TMEM131L: variants seen among roughly 807,000 people sequenced by gnomAD.
TMEM131L encodes transmembrane protein 131-like.
In TMEM131L, 54 loss-of-function variants were observed where a neutral mutation model predicts 192.2. The ratio of observed to expected loss-of-function variants is 0.28; its 90% CI spans 0.23 to 0.35. TMEM131L has a LOEUF of 0.35. Among genes scored for constraint, TMEM131L ranks in the 10% least tolerant of loss-of-function variants. The pLI, the probability that TMEM131L is intolerant of heterozygous loss-of-function variation, is 1.00. For synonymous variants in TMEM131L, 701 were observed against 704.9 expected (o/e 0.99, Z 0.09); for missense variants, 1,888 against 1,972.9 (o/e 0.96, Z 0.82).
chr4:153,615,462 G>A (rs1342578754), intron 26 of TMEM131L, among the ~76,000 whole-genome samples: 4 of 152,182 alleles, frequency 2.6e-5, no homozygotes, highest in African/African-American at 9.6e-5. Flanking sequence ...GAGAAAAGGC[G>A]AGGGCCTTGA....
chr4:153,543,462 G>A (rs559689688), intron 3 of TMEM131L, among the ~76,000 whole-genome samples: 2 of 152,316 alleles, frequency 1.3e-5, no homozygotes, highest in Admixed American at 1.3e-4. Context: ...TAGGCCATTT[G>A]TTTTTCAAGG....
intron 1 of TMEM131L, 106 bp downstream of exon 1, chr4:153,466,627 G>A: frequency 9.2e-7 from 1 of 1,088,042 alleles, no homozygotes; most frequent in Non-Finnish European, 1.2e-6. Context: ...GAAAGGGAAA[G>A]GGGCAGGAGG....
chr4:153,557,355 C>T (rs1361809424), intron 6 of TMEM131L, among the ~76,000 whole-genome samples: 1 of 152,154 alleles, frequency 6.6e-6, no homozygotes, highest in African/African-American at 2.4e-5. Flanking sequence ...CACACAGTTT[C>T]CCATCATAAA....
intron 2 of TMEM131L, among the ~76,000 whole-genome samples, chr4:153,468,003 GATCCA>G (rs1730886400): frequency 6.6e-6 from 1 of 152,198 alleles, no homozygotes; most frequent in African/African-American, 2.4e-5. Flanking sequence ...TAACGGTAGT[GATCCA>G]AAATGCATTT....
rs776116704 is a variant in TMEM131L at position 153,586,363 on chromosome 4, A to G, written c.1466A>G (p.Tyr489Cys). The change falls in exon 14 of 35, where the codon TAT becomes TGT. Residue 489 changes from tyrosine to cysteine, a missense_variant. By Grantham distance (194) the Tyr-to-Cys change is radical (BLOSUM62 -2). Transcript: ENST00000409959. ...ATTTTTGCAATACCTCTACAGATTTATTCAGCACCAACCAAGGTATTTTCT... is the reference window on the plus strand; with the variant it reads ...ATTTTTGCAATACCTCTACAGATTTGTTCAGCACCAACCAAGGTATTTTCT... ...GAIFAIPLQI[Y>C]SAPTKEGSLG... is the part of the protein sequence containing the mutation. 1.9e-6 allele frequency: 3 copies of G among 1,600,346 alleles called. No homozygotes were observed. The highest frequency in any genetic ancestry group is 1.7e-4 in the Middle Eastern group (1 of 5,786).
chr4:153,627,826 G>A (rs998686281), intron 31 of TMEM131L, 139 bp downstream of exon 31: 7 of 658,554 alleles, frequency 1.1e-5, no homozygotes, highest in Admixed American at 5.4e-5. Flanking sequence ...CAAGCCACAC[G>A]TTCATACATC....
chr4:153,598,460 T>C (rs1731603038), intron 20 of TMEM131L, 130 bp from the exon 21 acceptor site: 3 of 819,226 alleles, frequency 3.7e-6, no homozygotes, highest in Non-Finnish European at 3.8e-6. Flanking sequence ...ACTATTTAAA[T>C]TGATTTTCTT....
chr4:153,552,950 T>C (rs1234431389), intron 4 of TMEM131L, among the ~76,000 whole-genome samples: 1 of 151,950 alleles, frequency 6.6e-6, no homozygotes, highest in Admixed American at 6.5e-5. Flanking sequence ...TTTGTGTTTT[T>C]TTTTTTCCCT....
chr4:153,576,252 G>A (rs145342209), intron 7 of TMEM131L, among the ~76,000 whole-genome samples: 1,920 of 152,182 alleles, frequency 0.013, 37 homozygotes, highest in African/African-American at 0.042. Flanking sequence ...TGGCCACCGC[G>A]CCCGGCCCAA....
intron 3 of TMEM131L, among the ~76,000 whole-genome samples, chr4:153,516,095 A>G (rs1561149368): frequency 6.6e-6 from 1 of 152,070 alleles, no homozygotes; most frequent in Non-Finnish European, 1.5e-5. Flanking sequence ...TGTACTATAA[A>G]TGGTATGTTA....
At chr4:153,598,506 A>T in intron 20 of TMEM131L, 84 bp from the exon 21 acceptor site, 2 of 1,159,324 alleles carry the variant, frequency 1.7e-6, no homozygotes, top group Non-Finnish European at 2.5e-6. Flanking sequence ...AATATTCTTG[A>T]TAACTGGGAA....
chr4:153,556,607 TTACA>T (rs1322188850), intron 5 of TMEM131L, among the ~76,000 whole-genome samples: 2 of 152,248 alleles, frequency 1.3e-5, no homozygotes, highest in African/African-American at 4.8e-5. Flanking sequence ...CTGATTTTTA[TTACA>T]TATCAACATG....
intron 25 of TMEM131L, among the ~76,000 whole-genome samples, chr4:153,606,898 G>A (rs1324635648): frequency 1.3e-5 from 2 of 152,196 alleles, no homozygotes; most frequent in Non-Finnish European, 2.9e-5. Context: ...CGTGTCTGCA[G>A]AAGTTATATG....
rs545204298 is a variant in TMEM131L at position 153,636,164 on chromosome 4, A to G, written c.4558-137A>G. ...TTTGAGAAAAAATGGAGTTAAAGCA[A>G]CCCAGATTTAAATTGAGAGTAGTCT... On this transcript the variant is annotated intron_variant, in intron 34 of 34. Coordinates refer to ENST00000409959, the MANE Select transcript of TMEM131L (RefSeq NM_001131007.2). 7.4e-4 allele frequency: 647 copies of G among 872,816 alleles called. 2 individuals carry two copies. Among genetic ancestry groups the G allele is most frequent in the Non-Finnish European group, 1.0e-3 (606 of 578,144 alleles). 54.1% of individuals were successfully genotyped at this position (872,816 alleles called of 1,614,324 possible). A position where few individuals can be genotyped will look rare whatever the true frequency, so the allele number is the denominator to read the frequency against.
At chr4:153,627,864 A>G (rs1733958952) in intron 31 of TMEM131L, among the ~76,000 whole-genome samples, 177 bp downstream of exon 31, 1 of 152,210 alleles carries the variant, frequency 6.6e-6, no homozygotes, top group Non-Finnish European at 1.5e-5. Flanking sequence ...GTGGACGGGC[A>G]TCATTGGGGC....
At chr4:153,505,175 C>T (rs866820335) in intron 3 of TMEM131L, among the ~76,000 whole-genome samples, 5 of 150,650 alleles carry the variant, frequency 3.3e-5, no homozygotes, top group Admixed American at 1.3e-4. Context: ...AGCACAATCT[C>T]GGCTCACTGC....
chr4:153,579,283 A>G (rs958348634), intron 7 of TMEM131L, among the ~76,000 whole-genome samples: 1 of 152,122 alleles, frequency 6.6e-6, no homozygotes, highest in Non-Finnish European at 1.5e-5. Context: ...TGCATGAGCC[A>G]AGATTGCACT....
At chr4:153,618,531 G>A (rs1733159614) in intron 26 of TMEM131L, among the ~76,000 whole-genome samples, 1 of 147,182 alleles carries the variant, frequency 6.8e-6, no homozygotes, top group Non-Finnish European at 1.5e-5. Context: ...CAATAATAAT[G>A]ATGACGATAA....
At position 153,632,713 on chromosome 4, in the gene TMEM131L, C is replaced by T. The variant is rs771985362; in HGVS notation, c.4208-5C>T. On this transcript the variant is annotated splice_region_variant and splice_polypyrimidine_tract_variant and intron_variant, in intron 31 of 34. Coordinates refer to ENST00000409959, the MANE Select transcript of TMEM131L (RefSeq NM_001131007.2). The stretch of plus-strand genomic sequence containing the variant: ...GGTGGACTCAGGCCTTGTTCTCTTC[C>T]GTAGGTCTTTACTCACCTGGAGACC... 14 of 1,613,876 alleles carry T rather than the reference C, an allele frequency of 8.7e-6. No individual in the cohort carries two copies. The highest frequency in any genetic ancestry group is 1.3e-5 in the African/African-American group (1 of 74,884).
Sources: gnomAD v4.1 joint callset for allele counts (sites outside exome capture counted in the v4.1 genomes callset) on GRCh38, gnomAD v4.1.1 for gene constraint, MANE v1.5 for transcripts, NCBI Gene and HGNC (gene_info 2026-07-23, HGNC 2026-07-21) for gene names.